TMPRSS11E: variants seen among roughly 807,000 people sequenced by gnomAD.
The protein encoded by TMPRSS11E is transmembrane serine protease 11E, also known as transmembrane protease serine 11E.
Under a neutral mutation model 48.1 loss-of-function variants are expected in TMPRSS11E, and 38 were observed. That is an observed-to-expected ratio of 0.79 (90% confidence interval 0.61 to 1.04). TMPRSS11E has a LOEUF of 1.04. Ranked by LOEUF, TMPRSS11E falls within the 50% of genes least tolerant of loss-of-function variation. TMPRSS11E has a pLI of 0.00. For missense variants in TMPRSS11E, 530 were observed against 510.8 expected, an observed-to-expected ratio of 1.04 and a Z score of -0.36; for synonymous variants, 158 against 171.9, an observed-to-expected ratio of 0.92 and a Z score of 0.63.
At chr4:68,463,526 C>A (rs1206775753) in intron 2 of TMPRSS11E, among the ~76,000 whole-genome samples, 1 of 152,200 alleles carries the variant, frequency 6.6e-6, no homozygotes, top group East Asian at 1.9e-4. Flanking sequence ...TGGTCTCGAA[C>A]TTCTGACCTC....
intron 5 of TMPRSS11E, among the ~76,000 whole-genome samples, chr4:68,471,928 G>T (rs1456073889): frequency 2.0e-5 from 3 of 151,660 alleles, no homozygotes; most frequent in African/African-American, 7.3e-5. Flanking sequence ...TCTTTTTCTT[G>T]TTGCTTTCAT....
intron 9 of TMPRSS11E, among the ~76,000 whole-genome samples, chr4:68,479,279 C>A (rs148248418): frequency 6.6e-6 from 1 of 152,208 alleles, no homozygotes; most frequent in Non-Finnish European, 1.5e-5. Flanking sequence ...CAAAGACCTA[C>A]CTTTTTCCCT....
intron 8 of TMPRSS11E, 82 bp downstream of exon 8, chr4:68,477,710 A>G: frequency 6.6e-7 from 1 of 1,525,984 alleles, no homozygotes; most frequent in Non-Finnish European, 9.0e-7. Context: ...TTATGCCAAA[A>G]TATGTTAGTT....
At chr4:68,480,173 T>C (rs966825892) in intron 9 of TMPRSS11E, among the ~76,000 whole-genome samples, 7 of 151,780 alleles carry the variant, frequency 4.6e-5, no homozygotes, top group African/African-American at 1.7e-4. Context: ...ATATCCTTTG[T>C]CAAGTTTGAG....
chr4:68,478,299 G>C (rs530080658), intron 8 of TMPRSS11E, among the ~76,000 whole-genome samples: 41 of 151,184 alleles, frequency 2.7e-4, no homozygotes, highest in African/African-American at 9.2e-4. Flanking sequence ...GGGACTACAG[G>C]TGCCCGCCTA....
At chr4:68,481,007 C>T (rs1040431628) in intron 9 of TMPRSS11E, among the ~76,000 whole-genome samples, 8 of 152,096 alleles carry the variant, frequency 5.3e-5, no homozygotes, top group Non-Finnish European at 1.2e-4. Context: ...TCTTTGTGTC[C>T]ATATGTACTC....
intron 6 of TMPRSS11E, among the ~76,000 whole-genome samples, chr4:68,475,255 T>G (rs1560554054): frequency 2.6e-5 from 4 of 152,078 alleles, no homozygotes. Flanking sequence ...TTTAATAAAA[T>G]TACTGAAGAC....
intron 9 of TMPRSS11E, among the ~76,000 whole-genome samples, chr4:68,487,360 C>G (rs984914629): frequency 1.3e-5 from 2 of 151,790 alleles, no homozygotes; most frequent in Non-Finnish European, 2.9e-5. Flanking sequence ...TCAAGCGATT[C>G]TTCTGCCTTA....
At chr4:68,452,000 A>G (rs1728510954) in intron 1 of TMPRSS11E, among the ~76,000 whole-genome samples, 1 of 151,918 alleles carries the variant, frequency 6.6e-6, no homozygotes, top group Non-Finnish European at 1.5e-5. Flanking sequence ...CATTTTCAAG[A>G]AACATTGTTA....
chr4:68,464,065 T>A (rs1331025324), intron 2 of TMPRSS11E, among the ~76,000 whole-genome samples: 3 of 152,238 alleles, frequency 2.0e-5, no homozygotes, highest in Non-Finnish European at 4.4e-5. Flanking sequence ...GATGATCAAC[T>A]GAGTAATACT....
rs185300323 is a variant in TMPRSS11E at position 68,493,891 on chromosome 4, A to T, written c.1111-2752A>T. Among the ~76,000 whole-genome samples, 72 of 151,904 alleles carry T rather than the reference A, an allele frequency of 4.7e-4. No individual in the cohort carries two copies. The East Asian group carries it at 0.013, about 27-fold the overall frequency. ...ACCACTAATAACCTCATATGTAAAAATTTTTCCTTGAATCTCCTACTGTTT... is the reference window on the plus strand; with the variant it reads ...ACCACTAATAACCTCATATGTAAAATTTTTTCCTTGAATCTCCTACTGTTT... On this transcript the variant is annotated intron_variant, in intron 9 of 9. Coordinates refer to ENST00000305363, the MANE Select transcript of TMPRSS11E (RefSeq NM_014058.4).
intron 2 of TMPRSS11E, among the ~76,000 whole-genome samples, chr4:68,465,052 G>T (rs1005096185): frequency 6.6e-6 from 1 of 152,184 alleles, no homozygotes; most frequent in Non-Finnish European, 1.5e-5. Flanking sequence ...AGTTTACAGA[G>T]ATAGTTATGA....
chr4:68,466,701 C>T lies in TMPRSS11E; in HGVS notation c.207C>T (p.Gly69=), dbSNP rs1728936453. 1 of 1,613,736 alleles carries T rather than the reference C, an allele frequency of 6.2e-7. No individual in the cohort carries two copies. Among genetic ancestry groups the T allele is most frequent in the Admixed American group, 1.7e-5 (1 of 59,974 alleles). ...FTTDKLYAEF[G]REASNNFTEM... ...CTGACAAACTATATGCTGAGTTTGG[C>T]AGAGAGGCTTCTAACAATTTTACAG... is the stretch of plus-strand genomic sequence containing the variant. Residue 69 remains glycine, a synonymous_variant, in exon 3 of 10, where the codon GGC becomes GGT. Coordinates refer to ENST00000305363, the MANE Select transcript of TMPRSS11E (RefSeq NM_014058.4).
rs1007040182 is a variant in TMPRSS11E at position 68,471,444 on chromosome 4, C to CT, written c.327-10dup. On this transcript the variant is annotated splice_polypyrimidine_tract_variant and intron_variant, in intron 4 of 9. Transcript: ENST00000305363. ...TTTCTTTTCTTTCTTTCATTTTCTTCTTTTTTGGCCCACAGTCAACAGAAG... is the reference window on the plus strand; with the variant it reads ...TTTCTTTTCTTTCTTTCATTTTCTTCTTTTTTTGGCCCACAGTCAACAGAAG... 1.9e-6 allele frequency: 2 copies of CT among 1,059,452 alleles called. No individual in the cohort carries two copies. Among genetic ancestry groups the CT allele is most frequent in the Non-Finnish European group, 2.3e-6 (2 of 869,158 alleles). The allele number at this position is 1,059,452 out of a possible 1,614,324, so 65.6% of individuals were successfully genotyped here.
chr4:68,452,003 C>T (rs1560545179), intron 1 of TMPRSS11E, among the ~76,000 whole-genome samples: 2 of 151,854 alleles, frequency 1.3e-5, no homozygotes, highest in Non-Finnish European at 2.9e-5. Flanking sequence ...TTTCAAGAAA[C>T]ATTGTTATGG....
chr4:68,477,666 T>A, intron 8 of TMPRSS11E, 38 bp downstream of exon 8: 3 of 1,603,196 alleles, frequency 1.9e-6, no homozygotes, highest in Non-Finnish European at 2.6e-6. Flanking sequence ...AAAGTTAAAT[T>A]GGTATTTTAT....
At chr4:68,452,793 A>T (rs186172185) in intron 1 of TMPRSS11E, among the ~76,000 whole-genome samples, 1 of 151,996 alleles carries the variant, frequency 6.6e-6, no homozygotes, top group Admixed American at 6.6e-5. Context: ...TATATAGTAC[A>T]TTCAAGTCAT....
At chr4:68,489,461 A>G (rs1729654860) in intron 9 of TMPRSS11E, among the ~76,000 whole-genome samples, 4 of 152,082 alleles carry the variant, frequency 2.6e-5, no homozygotes, top group Admixed American at 2.6e-4. Context: ...GTCGTGGGGT[A>G]GTGGCAAGTC....
intron 9 of TMPRSS11E, among the ~76,000 whole-genome samples, chr4:68,486,802 G>T (rs1729566698): frequency 6.6e-6 from 1 of 152,138 alleles, no homozygotes; most frequent in Non-Finnish European, 1.5e-5. Flanking sequence ...TCTGAGTCTG[G>T]ATGCTCCAGT....
Sources: allele counts gnomAD v4.1 joint callset (sites outside exome capture counted in the v4.1 genomes callset), GRCh38; gene constraint gnomAD v4.1.1; transcripts MANE v1.5; gene names NCBI Gene and HGNC (gene_info 2026-07-23, HGNC 2026-07-21).